SIK3: variants seen among roughly 807,000 people sequenced by gnomAD.
SIK3 encodes the protein serine/threonine-protein kinase SIK3.
SIK3 carries 28 observed loss-of-function variants against 144.2 expected under a neutral mutation model. That is an observed-to-expected ratio of 0.19 (90% CI 0.14 to 0.27). The LOEUF (loss-of-function observed/expected upper bound fraction) is 0.27, where lower values mean the gene tolerates loss of function less well. Ranked by LOEUF, SIK3 falls within the 10% of genes least tolerant of loss-of-function variation. SIK3 has a pLI of 1.00. For synonymous variants in SIK3, 686 were observed against 676.3 expected (o/e 1.01, Z -0.22); for missense variants, 1,319 against 1,776.0 (o/e 0.74, Z 4.62).
chr11:117,087,895 T>TA (rs1486040461), intron 1 of SIK3, among the ~76,000 whole-genome samples: 2 of 152,058 alleles, frequency 1.3e-5, no homozygotes, highest in Non-Finnish European at 2.9e-5. Context: ...AATAAAATTA[T>TA]AAAAAAGATT....
At chr11:117,056,399 T>C (rs1410898261) in intron 1 of SIK3, among the ~76,000 whole-genome samples, 2 of 151,936 alleles carry the variant, frequency 1.3e-5, no homozygotes, top group Non-Finnish European at 2.9e-5. Flanking sequence ...TGGGGAGGGA[T>C]AGCATTAGGA....
At chr11:117,003,441 G>A (rs1300011029) in intron 1 of SIK3, among the ~76,000 whole-genome samples, 1 of 151,972 alleles carries the variant, frequency 6.6e-6, no homozygotes, top group Non-Finnish European at 1.5e-5. Context: ...GGTAATAAAA[G>A]TATGACCTGA....
At chr11:116,860,517 T>C (rs555523758) in intron 19 of SIK3, among the ~76,000 whole-genome samples, 1 of 152,340 alleles carries the variant, frequency 6.6e-6, no homozygotes, top group East Asian at 1.9e-4. Context: ...GGCCCACGTG[T>C]ATAGTAGACA....
intron 6 of SIK3, among the ~76,000 whole-genome samples, chr11:116,892,468 G>A (rs146436849): frequency 2.0e-4 from 30 of 152,296 alleles, no homozygotes; most frequent in African/African-American, 7.0e-4. Context: ...AAGAAAAGAT[G>A]CTCATCCTCA....
At chr11:116,919,188 G>A (rs1946827582) in intron 4 of SIK3, among the ~76,000 whole-genome samples, 2 of 152,170 alleles carry the variant, frequency 1.3e-5, no homozygotes, top group South Asian at 4.1e-4. Context: ...CTGTGGAAGG[G>A]TACTCAAAAA....
At chr11:116,862,987 T>C (rs555884581) in intron 16 of SIK3, among the ~76,000 whole-genome samples, 2 of 151,224 alleles carry the variant, frequency 1.3e-5, no homozygotes, top group Non-Finnish European at 2.9e-5. Flanking sequence ...GGCAGGAGAA[T>C]CTCTAGAACC....
chr11:116,878,955 C>T (rs73590467), intron 6 of SIK3, among the ~76,000 whole-genome samples: 1,999 of 152,236 alleles, frequency 0.013, 54 homozygotes, highest in African/African-American at 0.045. Context: ...TGTCTTCACG[C>T]AAATGATTTC....
At chr11:116,997,010 C>T (rs1227778026) in intron 1 of SIK3, among the ~76,000 whole-genome samples, 1 of 152,074 alleles carries the variant, frequency 6.6e-6, no homozygotes, top group African/African-American at 2.4e-5. Flanking sequence ...CATAGAGGAC[C>T]TTCTCATTTT....
intron 3 of SIK3, chr11:116,950,081 T>C (rs1422145755): frequency 2.1e-6 from 1 of 470,028 alleles, no homozygotes; most frequent in Admixed American, 2.4e-5. Flanking sequence ...GTGAAACCAC[T>C]GTCTTAATAC....
intron 6 of SIK3, among the ~76,000 whole-genome samples, chr11:116,884,470 G>T (rs760891623): frequency 6.6e-6 from 1 of 150,790 alleles, no homozygotes; most frequent in Admixed American, 6.7e-5. Context: ...CCTCATAAAC[G>T]ATAATATGCC....
chr11:117,006,737 G>A (rs1206517070), intron 1 of SIK3, among the ~76,000 whole-genome samples: 1 of 152,096 alleles, frequency 6.6e-6, no homozygotes, highest in Admixed American at 6.5e-5. Flanking sequence ...TGCAAATCTA[G>A]GTATTTAGCT....
chr11:116,936,548 T>C (rs894360667), intron 3 of SIK3, among the ~76,000 whole-genome samples: 1 of 152,222 alleles, frequency 6.6e-6, no homozygotes, highest in Non-Finnish European at 1.5e-5. Context: ...ATCATCTAGA[T>C]GTCCATGAAA....
chr11:116,858,559 T>C lies in SIK3; in HGVS notation c.2906A>G (p.Lys969Arg). The C allele has an allele frequency of 6.2e-7, 1 of 1,613,752 alleles. No homozygotes were observed. Among genetic ancestry groups the C allele is most frequent in the Non-Finnish European group, 8.5e-7 (1 of 1,179,932 alleles). ...GVGFSPTQAL[K>R]VPPLDQFPTF... ...GGGGAATTGGTCAAGTGGAGGGACTTTCAGGGCTTGGGTTGGAGAGAACCC... is the reference window on the plus strand; with the variant it reads ...GGGGAATTGGTCAAGTGGAGGGACTCTCAGGGCTTGGGTTGGAGAGAACCC... The change falls in exon 21 of 25, where the codon AAA becomes AGA. Residue 969 changes from lysine (K) to arginine (R), a missense_variant. Transcript: ENST00000445177. This position sits in a 1 kb window ranked among gnomAD's most constrained non-coding sequence, Gnocchi z 5.4.
intron 21 of SIK3, chr11:116,857,396 T>C: frequency 5.3e-6 from 1 of 190,374 alleles, no homozygotes; most frequent in Non-Finnish European, 1.1e-5. Context: ...GACAAAGTTA[T>C]CGTATTTATG....
intron 1 of SIK3, among the ~76,000 whole-genome samples, chr11:117,009,890 A>G (rs1325457514): frequency 1.3e-5 from 2 of 152,198 alleles, no homozygotes; most frequent in Admixed American, 6.5e-5. Flanking sequence ...TTACTGCCCA[A>G]CTTCTAGATT....
In SIK3 at chr11:117,049,116, TA is replaced by T. The variant is rs565933309; in HGVS notation, c.273+49026del. Among the ~76,000 whole-genome samples the T allele has an allele frequency of 8.8e-4, 134 of 152,084 alleles. No individual in the cohort carries two copies. The South Asian group carries it at 0.026, about 30-fold the overall frequency. On this transcript the variant is annotated intron_variant, in intron 1 of 24. Coordinates refer to ENST00000445177, the MANE Select transcript of SIK3 (RefSeq NM_001366686.3). ...TGAGACTCCATCTCAAAAAATTTTTTAAAAAAATACTTCATGATTTCTCTCA... is the reference window on the plus strand; with the variant it reads ...TGAGACTCCATCTCAAAAAATTTTTTAAAAAATACTTCATGATTTCTCTCA...
intron 6 of SIK3, among the ~76,000 whole-genome samples, chr11:116,879,262 C>T (rs987414482): frequency 1.7e-4 from 26 of 152,120 alleles, no homozygotes; most frequent in African/African-American, 5.6e-4. Flanking sequence ...CAAAACTGGC[C>T]AGTGAAAATA....
At position 116,846,698 on chromosome 11, in the gene SIK3, C is replaced by T. The variant is rs1476206366; in HGVS notation, c.3953-145G>A. 1 of 878,988 alleles carries T rather than the reference C, an allele frequency of 1.1e-6. No individual in the cohort carries two copies. Among genetic ancestry groups the T allele is most frequent in the Non-Finnish European group, 1.7e-6 (1 of 572,968 alleles). 54.4% of individuals were successfully genotyped at this position (878,988 alleles called of 1,614,324 possible). On this transcript the variant is annotated intron_variant, in intron 23 of 24. Transcript: ENST00000445177. The surrounding 1 kb of genome is among the most constrained non-coding windows in gnomAD (Gnocchi z 4.1). Reference sequence around the variant, plus strand: ...CCTGAATTCTAGCTCACAGCAGGCCCTCAAGGTGTTGAGTGACGATGGGCG... The same window carrying T: ...CCTGAATTCTAGCTCACAGCAGGCCTTCAAGGTGTTGAGTGACGATGGGCG...
intron 6 of SIK3, among the ~76,000 whole-genome samples, chr11:116,883,583 T>C (rs190396136): frequency 6.6e-5 from 10 of 152,270 alleles, no homozygotes; most frequent in African/African-American, 2.4e-4. Context: ...ATCAAACCTA[T>C]TTATTTAACA....
Sources: allele counts gnomAD v4.1 joint callset (sites outside exome capture counted in the v4.1 genomes callset), GRCh38; gene constraint gnomAD v4.1.1; non-coding constraint Gnocchi (gnomAD v3.1); transcripts MANE v1.5; gene names NCBI Gene and HGNC (gene_info 2026-07-23, HGNC 2026-07-21).